The following CNOT10 variants were observed in gnomAD, a reference collection of about 807,000 sequenced individuals.
The protein encoded by CNOT10 is CCR4-NOT transcription complex, subunit 10.
Under a neutral mutation model 94.6 loss-of-function variants are expected in CNOT10, and 30 were observed. That is an observed-to-expected ratio of 0.32 (90% CI 0.24 to 0.43). CNOT10 has a LOEUF of 0.43. Among genes scored for constraint, CNOT10 ranks in the 20% least tolerant of loss-of-function variants. CNOT10 has a pLI of 1.00. For synonymous variants in CNOT10, 289 were observed against 301.6 expected, an observed-to-expected ratio of 0.96 and a Z score of 0.43; for missense variants, 759 against 877.2, an observed-to-expected ratio of 0.87 and a Z score of 1.70.
At chr3:32,738,406 G>T (rs1386355291) in intron 13 of CNOT10, among the ~76,000 whole-genome samples, 1 of 151,824 alleles carries the variant, frequency 6.6e-6, no homozygotes, top group Non-Finnish European at 1.5e-5. Context: ...TTCTTTGCAG[G>T]AAGATTTTTG....
intron 13 of CNOT10, among the ~76,000 whole-genome samples, chr3:32,756,551 G>A (rs1700232483): frequency 1.3e-5 from 2 of 152,098 alleles, no homozygotes; most frequent in Admixed American, 1.3e-4. Flanking sequence ...TAGACTCTAG[G>A]ACCTAGATCA....
In CNOT10 at chr3:32,686,895, T is replaced by G. The variant is rs966793230; in HGVS notation, c.22+1413T>G. Among the ~76,000 whole-genome samples, 3 of 152,182 alleles carry G rather than the reference T, an allele frequency of 2.0e-5. No homozygotes were observed. In the East Asian group the frequency reaches 5.8e-4, roughly 29 times the overall value. ...TTATTCATTCGCAAAGATTGAGTGT[T>G]GAATAATGGATATGACACACTCCCT... On this transcript the variant is annotated intron_variant, in intron 1 of 18. Coordinates refer to ENST00000328834, the MANE Select transcript of CNOT10 (RefSeq NM_015442.3).
At chr3:32,729,304 G>A (rs1038827296) in intron 10 of CNOT10, among the ~76,000 whole-genome samples, 1 of 152,160 alleles carries the variant, frequency 6.6e-6, no homozygotes, top group Non-Finnish European at 1.5e-5. Context: ...AATGGCAATT[G>A]GTGGAAGCCT....
In CNOT10 at chr3:32,720,116, C is replaced by A. The variant is rs376876282; in HGVS notation, c.747C>A (p.Ser249=). ...TAACTTTTATATTTTCTCTACAGTC[C>A]GCACCCTCTCTCTTTCTTAAAAGCA... ...IKSVMNTAGN[S]APSLFLKSNF... is the part of the protein sequence containing the mutation. The change falls in exon 8 of 19, where the codon TCC becomes TCA. Residue 249 remains serine (S), a splice_region_variant and synonymous_variant. Coordinates refer to ENST00000328834, the MANE Select transcript of CNOT10 (RefSeq NM_015442.3). 2.7e-6 allele frequency: 4 copies of A among 1,488,434 alleles called. No homozygotes were observed. The South Asian group carries it at 3.9e-5, about 15-fold the overall frequency. The allele number at this position is 1,488,434 out of a possible 1,614,324, so 92.2% of individuals were successfully genotyped here. A position where few individuals can be genotyped will look rare whatever the true frequency, so the allele number is the denominator to read the frequency against.
chr3:32,690,354 T>G (rs1471673812), intron 1 of CNOT10, among the ~76,000 whole-genome samples: 1 of 152,146 alleles, frequency 6.6e-6, no homozygotes, highest in Non-Finnish European at 1.5e-5. Context: ...GGTTAAATGA[T>G]ATAATCTCAG....
In CNOT10 at chr3:32,734,885, G is replaced by A; in HGVS notation, c.1423G>A (p.Glu475Lys). The A allele has an allele frequency of 6.2e-7, 1 of 1,613,950 alleles. No homozygotes were observed. Among genetic ancestry groups the A allele is most frequent in the Non-Finnish European group, 8.5e-7 (1 of 1,179,878 alleles). Residue 475 changes from glutamate to lysine, a missense_variant, in exon 12 of 19, where the codon GAA becomes AAA. By Grantham distance (56) the Glu-to-Lys change is moderately conservative (BLOSUM62 1). Transcript: ENST00000328834. ...LRNALLLLPE[E>K]QQDPKQENGA... ...AAATGCCTTGTTGCTGCTACCTGAAGAACAGCAAGATCCAAAGCAGGAAAA... is the reference window on the plus strand; with the variant it reads ...AAATGCCTTGTTGCTGCTACCTGAAAAACAGCAAGATCCAAAGCAGGAAAA...
At chr3:32,715,352 G>C (rs1698071271) in intron 5 of CNOT10, among the ~76,000 whole-genome samples, 1 of 152,210 alleles carries the variant, frequency 6.6e-6, no homozygotes, top group Non-Finnish European at 1.5e-5. Flanking sequence ...AGGATAACCA[G>C]CCTGGCAGAG....
At chr3:32,749,278 C>G (rs111384096) in intron 13 of CNOT10, among the ~76,000 whole-genome samples, 3,321 of 152,196 alleles carry the variant, frequency 0.022, 50 homozygotes, top group East Asian at 0.048. Flanking sequence ...TTTGTTGTTG[C>G]TTGTGCTTTT....
intron 1 of CNOT10, among the ~76,000 whole-genome samples, chr3:32,696,313 C>G (rs1417684561): frequency 6.7e-6 from 1 of 148,658 alleles, no homozygotes; most frequent in East Asian, 2.0e-4. Flanking sequence ...GAGACTCCGT[C>G]TCAAAAAAAA....
chr3:32,745,286 T>A (rs1410380278), intron 13 of CNOT10, among the ~76,000 whole-genome samples: 1 of 151,676 alleles, frequency 6.6e-6, no homozygotes, highest in African/African-American at 2.4e-5. Flanking sequence ...TTTTAAAAAA[T>A]TATTGTAGTT....
At chr3:32,764,899 GATC>G in intron 17 of CNOT10, 90 bp downstream of exon 17, 1 of 1,560,598 alleles carries the variant, frequency 6.4e-7, no homozygotes, top group Non-Finnish European at 8.7e-7. Context: ...TGAAGCATCT[GATC>G]AGTTTGTTAA....
rs912695671 is a variant in CNOT10, at chr3:32,737,563, A to T, written c.1595+73A>T. The T allele has an allele frequency of 4.3e-6, 4 of 936,328 alleles. No individual in the cohort carries two copies. In the African/African-American group the frequency reaches 6.7e-5, roughly 16 times the overall value. The allele number at this position is 936,328 out of a possible 1,614,324, so 58.0% of individuals were successfully genotyped here. A position where few individuals can be genotyped will look rare whatever the true frequency, so the allele number is the denominator to read the frequency against. ...TTCATGGCTGGGCACAGTGGCTCAT[A>T]CCTCTAATCCCAGCACTTTGGGAGG... On this transcript the variant is annotated intron_variant, in intron 13 of 18. Transcript: ENST00000328834.
chr3:32,739,558 A>G (rs989592466), intron 13 of CNOT10, among the ~76,000 whole-genome samples: 4 of 152,100 alleles, frequency 2.6e-5, no homozygotes, highest in Admixed American at 6.6e-5. Context: ...AGACGATTGT[A>G]GATTCACATA....
At chr3:32,771,948 T>C (rs929080765) in intron 18 of CNOT10, among the ~76,000 whole-genome samples, 2 of 152,194 alleles carry the variant, frequency 1.3e-5, no homozygotes, top group Admixed American at 1.3e-4. Flanking sequence ...AGGTCATGCC[T>C]CTAGGGCATA....
rs886497462 is a variant in CNOT10 at position 32,739,048 on chromosome 3, G to A, written c.1595+1558G>A. 3.3e-5 allele frequency among the ~76,000 whole-genome samples: 5 copies of A among 152,032 alleles called. No individual in the cohort carries two copies. The East Asian group carries it at 9.7e-4, about 30-fold the overall frequency. ...GCTTCCTAAGAAGCTGGGATTACAG[G>A]TGCCTGCTAGCACGCCTGGCTAAAT... On this transcript the variant is annotated intron_variant, in intron 13 of 18. Coordinates refer to ENST00000328834, the MANE Select transcript of CNOT10 (RefSeq NM_015442.3).
At chr3:32,700,977 C>T (rs1697315274) in intron 1 of CNOT10, among the ~76,000 whole-genome samples, 1 of 152,172 alleles carries the variant, frequency 6.6e-6, no homozygotes, top group Non-Finnish European at 1.5e-5. Context: ...GAAAACTTAA[C>T]ATTAAAAATG....
chr3:32,718,559 G>A (rs1034531824), intron 7 of CNOT10, among the ~76,000 whole-genome samples: 1 of 143,120 alleles, frequency 7.0e-6, no homozygotes, highest in African/African-American at 2.6e-5. Context: ...ACTCCAGCCT[G>A]GGCGACAGAA....
chr3:32,741,718 G>A (rs1236484921), intron 13 of CNOT10, among the ~76,000 whole-genome samples: 17 of 146,978 alleles, frequency 1.2e-4, no homozygotes, highest in African/African-American at 2.3e-4. Context: ...GTGGTGAGCC[G>A]AAATCGTGCC....
At position 32,699,891 on chromosome 3, in the gene CNOT10, C is replaced by T. The variant is rs1160026954; in HGVS notation, c.23-3977C>T. On this transcript the variant is annotated intron_variant, in intron 1 of 18. Transcript: ENST00000328834. ...GGGGTAAACTTGGGGACAAGGTGGT[C>T]TACTATTTCTCATGTGGGTATTTGT... Among the ~76,000 whole-genome samples the T allele has an allele frequency of 1.2e-4, 18 of 151,400 alleles. No homozygotes were observed. In the East Asian group the frequency reaches 3.3e-3, roughly 28 times the overall value.
Sources: allele counts gnomAD v4.1 joint callset (sites outside exome capture counted in the v4.1 genomes callset), GRCh38; gene constraint gnomAD v4.1.1; transcripts MANE v1.5; gene names NCBI Gene and HGNC (gene_info 2026-07-23, HGNC 2026-07-21).